GPHN: variants seen among roughly 807,000 people sequenced by gnomAD.
The protein encoded by GPHN is gephyrin.
Under a neutral mutation model 95.5 loss-of-function variants are expected in GPHN, and 17 were observed. The ratio of observed to expected loss-of-function variants is 0.18; its 90% CI spans 0.12 to 0.27. The LOEUF is 0.27. GPHN is among the 10% of genes least tolerant of loss of function. The pLI is 1.00. For missense variants in GPHN, 660 were observed against 978.1 expected, an observed-to-expected ratio of 0.67 and a Z score of 4.34; for synonymous variants, 320 against 322.5, an observed-to-expected ratio of 0.99 and a Z score of 0.08.
At chr14:66,639,100 A>T (rs1287433901) in intron 1 of GPHN, among the ~76,000 whole-genome samples, 1 of 146,492 alleles carries the variant, frequency 6.8e-6, no homozygotes, top group Non-Finnish European at 1.5e-5. Context: ...ATGGTTCCTA[A>T]GTGGACAAAT....
chr14:66,932,453 T>TTGTTTG (rs1567118315), intron 8 of GPHN, among the ~76,000 whole-genome samples: 1 of 116,574 alleles, frequency 8.6e-6, no homozygotes, highest in Non-Finnish European at 1.8e-5. Flanking sequence ...GGTTTTTTTT[T>TTGTTTG]TTTTTTTTTT....
intron 1 of GPHN, among the ~76,000 whole-genome samples, chr14:66,525,196 C>T (rs149762351): frequency 0.055 from 8,314 of 152,128 alleles, 317 homozygotes; most frequent in Middle Eastern, 0.099. Flanking sequence ...TTCTAACTGG[C>T]GTGAGATGGT....
chr14:67,383,465 T>TA, the GPHN span: 1 of 1,611,048 alleles, frequency 6.2e-7, no homozygotes, highest in South Asian at 1.1e-5. Context: ...GAGTCCAATT[T>TA]AAGGAACACA....
chr14:67,239,519 G>A, the GPHN span, among the ~76,000 whole-genome samples: 3 of 152,184 alleles, frequency 2.0e-5, no homozygotes, highest in Non-Finnish European at 2.9e-5. Flanking sequence ...ATTCATTGAC[G>A]AGCTGGAGGA....
chr14:66,803,461 G>C lies in GPHN; in HGVS notation c.202-21013G>C, dbSNP rs552785670. On this transcript the variant is annotated intron_variant, in intron 3 of 22. Transcript: ENST00000478722. ...AGTTGTTAAATTGGTGTACTTGCAG[G>C]GGGTGGCGGAGGCAACAATTGGTGG... 3.9e-3 allele frequency among the ~76,000 whole-genome samples: 589 copies of C among 152,140 alleles called. 5 individuals carry two copies. The highest frequency in any genetic ancestry group is 0.014 in the African/African-American group (567 of 41,500).
chr14:67,406,465 C>A, the GPHN span, among the ~76,000 whole-genome samples: 1 of 151,964 alleles, frequency 6.6e-6, no homozygotes, highest in Non-Finnish European at 1.5e-5. Flanking sequence ...GAGCATAGGA[C>A]CCCTGCCACT....
intron 13 of GPHN, among the ~76,000 whole-genome samples, chr14:67,105,542 T>C (rs997273676): frequency 6.6e-6 from 1 of 152,154 alleles, no homozygotes; most frequent in Non-Finnish European, 1.5e-5. Context: ...TTGCGATTAT[T>C]GTATCCTTGT....
the GPHN span, chr14:67,620,084 G>A: frequency 6.2e-7 from 1 of 1,602,208 alleles, no homozygotes; most frequent in Non-Finnish European, 8.5e-7. Context: ...TTCTCACAAG[G>A]GCAGGTGAGA....
chr14:67,352,991 T>C, the GPHN span: 1 of 1,614,030 alleles, frequency 6.2e-7, no homozygotes, highest in African/African-American at 1.3e-5. Flanking sequence ...TTCAGGAGGT[T>C]TCGACCTGTC....
intron 5 of GPHN, among the ~76,000 whole-genome samples, chr14:66,909,169 A>C (rs2065541859): frequency 6.6e-6 from 1 of 152,110 alleles, no homozygotes; most frequent in Non-Finnish European, 1.5e-5. Context: ...TATCTTCTGC[A>C]TTTTTCTGTA....
intron 9 of GPHN, among the ~76,000 whole-genome samples, chr14:67,004,386 C>T (rs2072454536): frequency 6.6e-6 from 1 of 151,724 alleles, no homozygotes; most frequent in African/African-American, 2.4e-5. Flanking sequence ...AACATCTATA[C>T]ATTGCTACAG....
chr14:66,927,524 T>C (rs1380093798), intron 8 of GPHN, among the ~76,000 whole-genome samples: 26 of 152,158 alleles, frequency 1.7e-4, no homozygotes, highest in Admixed American at 1.7e-3. Context: ...ATTTGGGTGC[T>C]GTTTATATCT....
rs145514424 is a variant in GPHN at position 66,925,292 on chromosome 14, T to A, written c.828+1000T>A. ...TGTGTTACAGACATTCCAATTGTATTCCCTAATTTATTCTAAAATGTACAA... is the reference window on the plus strand; with the variant it reads ...TGTGTTACAGACATTCCAATTGTATACCCTAATTTATTCTAAAATGTACAA... On this transcript the variant is annotated intron_variant, in intron 8 of 22. Transcript: ENST00000478722. Among the ~76,000 whole-genome samples the A allele has an allele frequency of 2.5e-3, 383 of 152,318 alleles. 9 individuals carry two copies. Among genetic ancestry groups the A allele is most frequent in the East Asian group, 0.018 (91 of 5,192 alleles).
intron 18 of GPHN, among the ~76,000 whole-genome samples, chr14:67,146,514 A>C (rs994800160): frequency 1.1e-4 from 16 of 152,222 alleles, no homozygotes; most frequent in African/African-American, 3.9e-4. Context: ...AGGATGCACT[A>C]AACTGGACAC....
the GPHN span, among the ~76,000 whole-genome samples, chr14:67,724,267 C>A: frequency 6.6e-6 from 1 of 152,320 alleles, no homozygotes; most frequent in Non-Finnish European, 1.5e-5. Context: ...GGCAAGTGAT[C>A]TTCCCACCTG....
chr14:67,708,794 C>CTTT, the GPHN span, among the ~76,000 whole-genome samples: 10 of 136,900 alleles, frequency 7.3e-5, no homozygotes, highest in Admixed American at 7.5e-5. Context: ...TTAATAATAC[C>CTTT]TTTTTTTTTT....
intron 4 of GPHN, among the ~76,000 whole-genome samples, chr14:66,879,645 T>A (rs2063835710): frequency 2.0e-5 from 3 of 152,106 alleles, no homozygotes; most frequent in Non-Finnish European, 4.4e-5. Context: ...TGAGGCCACA[T>A]TTTTAGAATT....
intron 3 of GPHN, among the ~76,000 whole-genome samples, chr14:66,794,426 T>G (rs1340315040): frequency 6.6e-6 from 1 of 152,212 alleles, no homozygotes; most frequent in Non-Finnish European, 1.5e-5. Context: ...TGCAGAACTG[T>G]GAGCCAGTTA....
At chr14:67,038,018 C>T (rs2074513326) in intron 10 of GPHN, among the ~76,000 whole-genome samples, 1 of 151,984 alleles carries the variant, frequency 6.6e-6, no homozygotes, top group Non-Finnish European at 1.5e-5. Context: ...TTCATCACAG[C>T]ATTATCTACA....
Sources: allele counts gnomAD v4.1 joint callset (sites outside exome capture counted in the v4.1 genomes callset), GRCh38; gene constraint gnomAD v4.1.1; transcripts MANE v1.5; gene names NCBI Gene and HGNC (gene_info 2026-07-23, HGNC 2026-07-21).